GINM1: variants seen among roughly 807,000 people sequenced by gnomAD.
The protein encoded by GINM1 is glycosylated integral membrane protein 1, also known as glycoprotein integral membrane protein 1.
Under a neutral mutation model 37.8 loss-of-function variants are expected in GINM1, and 29 were observed. The observed-to-expected ratio is 0.77, with a 90% CI of 0.57 to 1.05. The LOEUF (loss-of-function observed/expected upper bound fraction) is 1.05. Among genes scored for constraint, GINM1 ranks in the 50% least tolerant of loss-of-function variants. The pLI is 0.00. For synonymous variants in GINM1, 143 were observed against 146.2 expected (o/e 0.98, Z 0.16); for missense variants, 377 against 397.9 (o/e 0.95, Z 0.45).
chr6:149,590,714 CT>C lies in GINM1; in HGVS notation c.882-10del. ...ATTTAATTTTGATAGTAATTAATCA[CT>C]TTCTATTTCAGAGGAATTCTTCAGT... On this transcript the variant is annotated splice_polypyrimidine_tract_variant and intron_variant, in intron 7 of 7. Transcript: ENST00000367419. 7.6e-7 allele frequency: 1 copy of C among 1,321,786 alleles called. No homozygotes were observed. The highest frequency in any genetic ancestry group is 1.8e-4 in the Middle Eastern group (1 of 5,478). 81.9% of individuals were successfully genotyped at this position (1,321,786 alleles called of 1,614,324 possible).
intron 1 of GINM1, among the ~76,000 whole-genome samples, chr6:149,571,119 G>A (rs553501602): frequency 1.3e-5 from 2 of 152,086 alleles, no homozygotes; most frequent in African/African-American, 4.8e-5. Flanking sequence ...TTCGCAACCA[G>A]CCTGACCAAC....
At chr6:149,579,280 C>G (rs1485646307) in intron 4 of GINM1, among the ~76,000 whole-genome samples, 1 of 152,158 alleles carries the variant, frequency 6.6e-6, no homozygotes, top group African/African-American at 2.4e-5. Flanking sequence ...AATGAAGTCT[C>G]TGTGTGTAAA....
intron 1 of GINM1, among the ~76,000 whole-genome samples, chr6:149,567,687 A>G (rs1777743198): frequency 2.0e-5 from 3 of 152,158 alleles, no homozygotes; most frequent in African/African-American, 7.2e-5. Context: ...TAGGATAATG[A>G]CATTACCCCA....
chr6:149,582,801 C>G (rs1268351650), intron 7 of GINM1, among the ~76,000 whole-genome samples, 198 bp downstream of exon 7: 1 of 152,014 alleles, frequency 6.6e-6, no homozygotes. Flanking sequence ...CTATTGTGAT[C>G]AAGACATTCT....
chr6:149,588,952 C>T, intron 7 of GINM1, among the ~76,000 whole-genome samples: 1 of 152,118 alleles, frequency 6.6e-6, no homozygotes, highest in Non-Finnish European at 1.5e-5. Flanking sequence ...TTACAGGCGC[C>T]CGCCACCATG....
intron 6 of GINM1, chr6:149,581,973 G>C (rs1217716495): frequency 1.5e-5 from 7 of 467,998 alleles, no homozygotes. Context: ...TTAAAGTATA[G>C]AAACATGTTT....
chr6:149,572,675 G>A (rs1777848209), intron 3 of GINM1, 72 bp downstream of exon 3: 1 of 977,034 alleles, frequency 1.0e-6, no homozygotes, highest in Non-Finnish European at 1.6e-6. Context: ...GTTGTTGTTT[G>A]TTTTTTGAGA....
intron 3 of GINM1, among the ~76,000 whole-genome samples, chr6:149,577,749 A>AT (rs1777935609): frequency 6.6e-6 from 1 of 152,160 alleles, no homozygotes; most frequent in African/African-American, 2.4e-5. Flanking sequence ...TGTTTGGCAA[A>AT]AATCTTCAGA....
chr6:149,575,182 T>C (rs4870139), intron 3 of GINM1, among the ~76,000 whole-genome samples: 51,868 of 152,086 alleles, frequency 0.34, 10,513 homozygotes, highest in East Asian at 0.81. Flanking sequence ...TATTTCTCTG[T>C]ACATTCTGCA....
chr6:149,585,754 A>G (rs1463082158), intron 7 of GINM1, among the ~76,000 whole-genome samples: 1 of 151,868 alleles, frequency 6.6e-6, no homozygotes, highest in Non-Finnish European at 1.5e-5. Flanking sequence ...CACCACGCCC[A>G]GCTAATTTTT....
chr6:149,579,997 TAAAA>T lies in GINM1; in HGVS notation c.586+8_586+11del. Reference sequence around the variant, plus strand: ...CCTAACCTCTCCAAAAAAGGTAACTTAAAAGACCATTATTTAAAGTATTAAGGAG... The same window carrying T: ...CCTAACCTCTCCAAAAAAGGTAACTTGACCATTATTTAAAGTATTAAGGAG... On this transcript the variant is annotated splice_region_variant and intron_variant, in intron 5 of 7. Coordinates refer to ENST00000367419, the MANE Select transcript of GINM1 (RefSeq NM_138785.5). 1 of 1,531,178 alleles carries T rather than the reference TAAAA, an allele frequency of 6.5e-7. No individual in the cohort carries two copies. The highest frequency in any genetic ancestry group is 8.9e-7 in the Non-Finnish European group (1 of 1,122,548). The allele number at this position is 1,531,178 out of a possible 1,614,324, so 94.8% of individuals were successfully genotyped here.
At chr6:149,569,503 T>A (rs1401032396) in intron 1 of GINM1, among the ~76,000 whole-genome samples, 1 of 149,720 alleles carries the variant, frequency 6.7e-6, no homozygotes, top group Non-Finnish European at 1.5e-5. Context: ...CATGCCTGGC[T>A]AATTTTTGTA....
intron 7 of GINM1, among the ~76,000 whole-genome samples, chr6:149,584,903 C>T (rs1169030674): frequency 6.6e-6 from 1 of 151,790 alleles, no homozygotes. Context: ...TCAAGTTGTC[C>T]TCCTGCCTTG....
At chr6:149,586,572 C>A (rs1210572885) in intron 7 of GINM1, among the ~76,000 whole-genome samples, 1 of 152,118 alleles carries the variant, frequency 6.6e-6, no homozygotes, top group Non-Finnish European at 1.5e-5. Flanking sequence ...CATGAAGTAA[C>A]CTCAAGGTAA....
At chr6:149,569,706 C>G (rs576219133) in intron 1 of GINM1, among the ~76,000 whole-genome samples, 1 of 152,118 alleles carries the variant, frequency 6.6e-6, no homozygotes, top group African/African-American at 2.4e-5. Flanking sequence ...GAGAGGCATT[C>G]GGAGGACACT....
In GINM1 at chr6:149,591,291, C is replaced by CA. The variant is rs113528734; in HGVS notation, c.*465dup. On this transcript the variant is annotated 3_prime_UTR_variant, in exon 8 of 8. Transcript: ENST00000367419. ...TGGGTGACAGAGCGAGACTCTGTTT[C>CA]AAAAAAAAAAAAGTTGACCTTATTC... 0.069 allele frequency: 9,469 copies of CA among 136,252 alleles called. 1,000 individuals carry two copies. Among genetic ancestry groups the CA allele is most frequent in the African/African-American group, 0.23 (8,705 of 38,116 alleles). The allele number at this position is 136,252 out of a possible 1,614,324, so 8.4% of individuals were successfully genotyped here.
At position 149,572,342 on chromosome 6, in the gene GINM1, C is replaced by A; in HGVS notation, c.178C>A (p.Gln60Lys). 1 of 1,585,120 alleles carries A rather than the reference C, an allele frequency of 6.3e-7. No individual in the cohort carries two copies. Among genetic ancestry groups the A allele is most frequent in the Non-Finnish European group, 8.6e-7 (1 of 1,162,924 alleles). Residue 60 changes from glutamine (Q) to lysine (K), a missense_variant and splice_region_variant, in exon 2 of 8, where the codon CAG (glutamine) becomes AAG (lysine). Physicochemically the swap from Gln to Lys is moderately conservative, Grantham distance 53 (BLOSUM62 1). Coordinates refer to ENST00000367419, the MANE Select transcript of GINM1 (RefSeq NM_138785.5). ...AGATGATGGGGACATATCTAAACAG[C>A]AGGTTTGTCTCCTTTTCTGGTTTTA... ...LKDDGDISKQ[Q>K]VVLNITYESG...
At chr6:149,570,435 G>C (rs1777802284) in intron 1 of GINM1, among the ~76,000 whole-genome samples, 1 of 151,826 alleles carries the variant, frequency 6.6e-6, no homozygotes, top group African/African-American at 2.4e-5. Context: ...TGCACTATTG[G>C]TTCTAACCGT....
Position 149,572,315 on chromosome 6 carries a change from A to AAAGATG in GINM1, c.153_158dup (p.Asp52_Asp53insGluAsp). ...CATCAGAATTAATGTAACTACACTG[A>AAAGATG]AAGATGATGGGGACATATCTAAACA... On this transcript the variant is annotated inframe_insertion, in exon 2 of 8. Coordinates refer to ENST00000367419, the MANE Select transcript of GINM1 (RefSeq NM_138785.5). 2 of 1,601,302 alleles carry AAAGATG rather than the reference A, an allele frequency of 1.2e-6. No individual in the cohort carries two copies. Among genetic ancestry groups the AAAGATG allele is most frequent in the Admixed American group, 3.5e-5 (2 of 57,050 alleles).
Sources: gnomAD v4.1 joint callset for allele counts (sites outside exome capture counted in the v4.1 genomes callset) on GRCh38, gnomAD v4.1.1 for gene constraint, MANE v1.5 for transcripts, NCBI Gene and HGNC (gene_info 2026-07-23, HGNC 2026-07-21) for gene names.